Variants in MYH13 observed in about 807,000 individuals in gnomAD.
The protein encoded by MYH13 is myosin heavy chain 13.
MYH13 carries 177 observed loss-of-function variants against 232.1 expected under a neutral mutation model. The observed-to-expected ratio is 0.76, with a 90% CI of 0.67 to 0.86. The LOEUF is 0.86. MYH13 is among the 40% of genes least tolerant of loss of function. The pLI is 0.00. For missense variants in MYH13, 2,246 were observed against 2,405.9 expected, an observed-to-expected ratio of 0.93 and a Z score of 1.39; for synonymous variants, 884 against 923.5, an observed-to-expected ratio of 0.96 and a Z score of 0.78.
rs149852910 is a variant in MYH13, at chr17:10,313,247, C to A, written c.4092G>T (p.Ala1364=). Residue 1364 remains alanine (A), a synonymous_variant, in exon 30 of 41, where the codon GCG becomes GCT. Coordinates refer to ENST00000252172, the MANE Select transcript of MYH13 (RefSeq NM_003802.3). ...CAACCTCACTGTTGGCCTTGGACAG[C>A]GCCCTCTGCAGCTCGGCCTTGGCTT... The part of the protein sequence containing the change: ...EQEAKAELQR[A]LSKANSEVAQ... 6.2e-7 allele frequency: 1 copy of A among 1,614,222 alleles called. No homozygotes were observed. Among genetic ancestry groups the A allele is most frequent in the African/African-American group, 1.3e-5 (1 of 75,062 alleles).
At chr17:10,329,604 G>T (rs752806821) in intron 21 of MYH13, among the ~76,000 whole-genome samples, 1 of 152,164 alleles carries the variant, frequency 6.6e-6, no homozygotes, top group Non-Finnish European at 1.5e-5. Context: ...CCTGCCTCTT[G>T]CTCTCTATTC....
intron 16 of MYH13, chr17:10,341,387 T>C (rs2320795): frequency 0.4 from 61,449 of 152,106 alleles, 15,260 homozygotes; most frequent in Non-Finnish European, 0.57. Context: ...TACCTCCTTT[T>C]ATTCTTTAAT....
At chr17:10,322,571 C>A (rs1025580631) in intron 23 of MYH13, among the ~76,000 whole-genome samples, 7 of 151,772 alleles carry the variant, frequency 4.6e-5, no homozygotes, top group Non-Finnish European at 1.0e-4. Flanking sequence ...CTGAATCTGG[C>A]CATATTTTCT....
In MYH13 at chr17:10,334,878, C is replaced by CAAATAAAT. The variant is rs537407226; in HGVS notation, c.2057-1695_2057-1688dup. Among the ~76,000 whole-genome samples, 9 of 151,736 alleles carry CAAATAAAT rather than the reference C, an allele frequency of 5.9e-5. No individual in the cohort carries two copies. The South Asian group carries it at 6.3e-4, about 11-fold the overall frequency. On this transcript the variant is annotated intron_variant, in intron 18 of 40. Coordinates refer to ENST00000252172, the MANE Select transcript of MYH13 (RefSeq NM_003802.3). ...TGGGTGACAGAGCAAGACTCAGTCT[C>CAAATAAAT]AAATAAATAAATAAATAAATAAATA...
intron 12 of MYH13, among the ~76,000 whole-genome samples, chr17:10,348,175 A>G (rs758194350): frequency 1.7e-4 from 26 of 152,138 alleles, no homozygotes; most frequent in Non-Finnish European, 3.7e-4. Context: ...ATTCAGGTAG[A>G]TGGTACCATT....
chr17:10,351,220 CA>C lies in MYH13; in HGVS notation c.1006-527del, dbSNP rs761244522. Among the ~76,000 whole-genome samples, 656 of 72,692 alleles carry C rather than the reference CA, an allele frequency of 9.0e-3. 28 individuals are homozygous for C. The highest frequency in any genetic ancestry group is 0.025 in the African/African-American group (562 of 22,514). The allele number at this position is 72,692 out of a possible 152,430, so 47.7% of individuals were successfully genotyped here. On this transcript the variant is annotated intron_variant, in intron 11 of 40. Transcript: ENST00000252172. ...TGGGAGACAGAGTGAGACTCCATCT[CA>C]AAAAAAAAAAAAAAGAGAACTGATT...
Position 10,309,678 on chromosome 17 carries a change from G to T in MYH13, c.4809C>A (p.Ser1603Arg). Reference sequence around the variant, plus strand: ...GGCTGCGGATTTCAGCATCCAGCACGCTCTGCAGGGCCTCTGCTGCCCGCT... The same window carrying T: ...GGCTGCGGATTTCAGCATCCAGCACTCTCTGCAGGGCCTCTGCTGCCCGCT... Reference protein sequence around the residue: ...NSQRAAEALQSVLDAEIRSRN... With the variant: ...NSQRAAEALQRVLDAEIRSRN... The change falls in exon 34 of 41, where the codon AGC becomes AGA. Residue 1603 changes from serine to arginine, a missense_variant. Physicochemically the swap from Ser to Arg is moderately radical, Grantham distance 110. Coordinates refer to ENST00000252172, the MANE Select transcript of MYH13 (RefSeq NM_003802.3). 6.2e-7 allele frequency: 1 copy of T among 1,609,580 alleles called. No homozygotes were observed.
Position 10,344,070 on chromosome 17 carries a change from A to G in MYH13, c.1624T>C (p.Phe542Leu), listed in dbSNP as rs746055949. ...IFSILEEECMFPKATDTSFKN... is the reference protein window; with the variant it reads ...IFSILEEECMLPKATDTSFKN... ...AAGGAGGTGTCTGTTGCCTTGGGGA[A>G]CATGCACTCCTCTTCCAGGATGGAG... is the stretch of plus-strand genomic sequence containing the variant. Residue 542 changes from phenylalanine (F) to leucine (L), a missense_variant, in exon 16 of 41, where the codon TTC becomes CTC. Transcript: ENST00000252172. 6.2e-7 allele frequency: 1 copy of G among 1,614,142 alleles called. No individual in the cohort carries two copies. Among genetic ancestry groups the G allele is most frequent in the Non-Finnish European group, 8.5e-7 (1 of 1,179,992 alleles).
At chr17:10,334,476 A>G (rs1907520593) in intron 18 of MYH13, among the ~76,000 whole-genome samples, 1 of 152,176 alleles carries the variant, frequency 6.6e-6, no homozygotes, top group African/African-American at 2.4e-5. Flanking sequence ...AACGGTGGCC[A>G]CCCTATTGAA....
intron 18 of MYH13, among the ~76,000 whole-genome samples, chr17:10,335,938 C>A (rs1056483150): frequency 2.0e-5 from 3 of 152,132 alleles, no homozygotes; most frequent in African/African-American, 7.2e-5. Flanking sequence ...GCTGAAAGGA[C>A]CATCATTTTA....
Position 10,369,040 on chromosome 17 carries a change from C to G in MYH13, c.-13+2169G>C, listed in dbSNP as rs376640024. On this transcript the variant is annotated intron_variant, in intron 2 of 40. Coordinates refer to ENST00000252172, the MANE Select transcript of MYH13 (RefSeq NM_003802.3). Reference sequence around the variant, plus strand: ...TCTAAAGCCAAAACCATGGCACAGTCTCATTGCTTGTACACAAAATAATTT... The same window carrying G: ...TCTAAAGCCAAAACCATGGCACAGTGTCATTGCTTGTACACAAAATAATTT... 3.3e-5 allele frequency among the ~76,000 whole-genome samples: 5 copies of G among 152,288 alleles called. No individual in the cohort carries two copies. The East Asian group carries it at 5.8e-4, about 18-fold the overall frequency.
chr17:10,315,694 T>C lies in MYH13; in HGVS notation c.3983A>G (p.Lys1328Arg). 2 of 1,613,632 alleles carry C rather than the reference T, an allele frequency of 1.2e-6. No individual in the cohort carries two copies. The highest frequency in any genetic ancestry group is 1.3e-5 in the African/African-American group (1 of 75,064). ...ELKRQMEEETKAKNAMAHALQ... is the reference protein window; with the variant it reads ...ELKRQMEEETRAKNAMAHALQ... ...TTCAATCTGACTCTATATCTTTACC[T>C]TGGTTTCTTCTTCCATTTGCCTCTT... The change falls in exon 29 of 41, where the codon AAG becomes AGG. Residue 1328 changes from lysine (K) to arginine (R), a missense_variant and splice_region_variant. Transcript: ENST00000252172.
At chr17:10,329,998 T>TA (rs1555550352) in intron 21 of MYH13, among the ~76,000 whole-genome samples, 5,205 of 132,230 alleles carry the variant, frequency 0.039, 297 homozygotes, top group African/African-American at 0.13. Flanking sequence ...AGACTCTGTC[T>TA]AAAAAAAAAA....
intron 8 of MYH13, 126 bp downstream of exon 8, chr17:10,357,609 T>G (rs2071758618): frequency 1.3e-6 from 1 of 759,466 alleles, no homozygotes; most frequent in Non-Finnish European, 2.2e-6. Flanking sequence ...GGTAGATTGA[T>G]CTCAATCACT....
chr17:10,306,415 C>A lies in MYH13; in HGVS notation c.5466+44G>T. 6.2e-7 allele frequency: 1 copy of A among 1,612,634 alleles called. No homozygotes were observed. On this transcript the variant is annotated intron_variant, in intron 37 of 40. Transcript: ENST00000252172. This position sits in a 1 kb window ranked among gnomAD's most constrained non-coding sequence, Gnocchi z 4.3. ...TCAGTTTCTGGACTGTGGTTCTGTC[C>A]GAGGCTGTCACTTTCAGAGTAACAG...
chr17:10,332,268 G>T, intron 19 of MYH13, 46 bp from the exon 20 acceptor site: 2 of 1,607,854 alleles, frequency 1.2e-6, no homozygotes, highest in South Asian at 1.1e-5. Context: ...TCCCCGAAAG[G>T]CTTCATAGCT....
intron 20 of MYH13, 94 bp from the exon 21 acceptor site, chr17:10,330,617 C>T: frequency 5.4e-6 from 8 of 1,476,556 alleles, no homozygotes; most frequent in Non-Finnish European, 6.3e-6. Flanking sequence ...CTCTGAGGCT[C>T]AACTCTCAGA....
At chr17:10,363,334 A>AT (rs2071808845) in intron 3 of MYH13, among the ~76,000 whole-genome samples, 1 of 151,676 alleles carries the variant, frequency 6.6e-6, no homozygotes, top group Non-Finnish European at 1.5e-5. Context: ...AAAAAAAAAA[A>AT]AATAGGGCAA....
At position 10,362,468 on chromosome 17, in the gene MYH13, C is replaced by G; in HGVS notation, c.240G>C (p.Met80Ile). 1 of 1,614,068 alleles carries G rather than the reference C, an allele frequency of 6.2e-7. No homozygotes were observed. The highest frequency in any genetic ancestry group is 8.5e-7 in the Non-Finnish European group (1 of 1,180,030). ...CGATCTTGTCAAATTTGGGAGGGTT[C>G]ATGGGGAAGACCTGGTCATTGTTCA... is the stretch of plus-strand genomic sequence containing the variant. ...LTLNNDQVFP[M>I]NPPKFDKIED... The change falls in exon 4 of 41, where the codon ATG (methionine) becomes ATC (isoleucine). Residue 80 changes from methionine (M) to isoleucine (I), a missense_variant. By Grantham distance (10) the Met-to-Ile change is conservative (BLOSUM62 1). Transcript: ENST00000252172.
Sources: gnomAD v4.1 joint callset for allele counts (sites outside exome capture counted in the v4.1 genomes callset) on GRCh38, gnomAD v4.1.1 for gene constraint, Gnocchi (gnomAD v3.1) non-coding constraint, MANE v1.5 for transcripts, NCBI Gene and HGNC (gene_info 2026-07-23, HGNC 2026-07-21) for gene names.